Variants in PRKD3 observed in about 807,000 individuals in gnomAD.
The protein encoded by PRKD3 is serine/threonine-protein kinase D3.
In PRKD3, 47 loss-of-function variants were observed where a neutral mutation model predicts 99.2. That is an observed-to-expected ratio of 0.47 (90% CI 0.38 to 0.60). The LOEUF is 0.60. Among genes scored for constraint, PRKD3 ranks in the 20% least tolerant of loss-of-function variants. The pLI is 0.00. For missense variants in PRKD3, 1,019 were observed against 1,088.4 expected (o/e 0.94, Z 0.90); for synonymous variants, 392 against 355.4 (o/e 1.10, Z -1.16).
At chr2:37,254,786 A>T (rs576665496) in intron 17 of PRKD3, among the ~76,000 whole-genome samples, 33 of 152,228 alleles carry the variant, frequency 2.2e-4, no homozygotes, top group Non-Finnish European at 3.5e-4. Context: ...TGGTCTGGAA[A>T]GGCACTGCCT....
chr2:37,266,540 G>T (rs1029156514), intron 14 of PRKD3, among the ~76,000 whole-genome samples: 9 of 151,386 alleles, frequency 5.9e-5, no homozygotes, highest in Middle Eastern at 6.8e-3. Flanking sequence ...AGGCTGGAGT[G>T]CAATGGCACA....
At chr2:37,262,710 G>A (rs1366210490) in intron 14 of PRKD3, among the ~76,000 whole-genome samples, 2 of 151,988 alleles carry the variant, frequency 1.3e-5, no homozygotes. Context: ...AAAACACGTG[G>A]ACACACAAAA....
rs559390052 is a variant in PRKD3, at chr2:37,263,511, G to T, written c.1885-3127C>A. On this transcript the variant is annotated intron_variant, in intron 14 of 18. Transcript: ENST00000234179. ...ACTCCATTTCTCATGGACTACTGAT[G>T]TGTTTGTCTGTTTCTCCTTGTTTTT... Among the ~76,000 whole-genome samples, 5 of 152,226 alleles carry T rather than the reference G, an allele frequency of 3.3e-5. No individual in the cohort carries two copies. The East Asian group carries it at 9.6e-4, about 29-fold the overall frequency.
intron 17 of PRKD3, among the ~76,000 whole-genome samples, chr2:37,254,670 C>T (rs2148473558): frequency 6.6e-6 from 1 of 152,250 alleles, no homozygotes; most frequent in Non-Finnish European, 1.5e-5. Context: ...CAGTGCTTAG[C>T]ACATAAGTGC....
chr2:37,277,579 T>G (rs758806222), intron 9 of PRKD3, among the ~76,000 whole-genome samples: 1 of 152,214 alleles, frequency 6.6e-6, no homozygotes, highest in Non-Finnish European at 1.5e-5. Context: ...CTATCTCTAT[T>G]TGTGGCTCCA....
intron 13 of PRKD3, chr2:37,269,370 G>C (rs747287526): frequency 6.2e-6 from 3 of 482,496 alleles, no homozygotes; most frequent in Non-Finnish European, 1.1e-5. Context: ...GTATGTGTGA[G>C]CTACAAGAAG....
intron 2 of PRKD3, among the ~76,000 whole-genome samples, chr2:37,307,338 T>C (rs1257369792): frequency 1.3e-5 from 2 of 152,218 alleles, no homozygotes; most frequent in African/African-American, 4.8e-5. Flanking sequence ...TTTCAGAGCA[T>C]TCTAGAAGAA....
At position 37,253,058 on chromosome 2, in the gene PRKD3, G is replaced by A. The variant is rs943468593; in HGVS notation, c.*119C>T. The stretch of plus-strand genomic sequence containing the variant: ...ACTACAGTACTGGTGTCACTTATTC[G>A]TTATCATATTTCTTCATATCTTTGC... On this transcript the variant is annotated 3_prime_UTR_variant, in exon 19 of 19. Transcript: ENST00000234179. The A allele has an allele frequency of 1.9e-5, 20 of 1,069,228 alleles. 1 individual carries two copies. The highest frequency in any genetic ancestry group is 6.4e-5 in the African/African-American group (4 of 62,604). 66.2% of individuals were successfully genotyped at this position (1,069,228 alleles called of 1,614,324 possible).
rs572312460 is a variant in PRKD3, at chr2:37,317,010, C to A, written c.-486G>T. 5.1e-6 allele frequency: 5 copies of A among 986,820 alleles called. No individual in the cohort carries two copies. In the Admixed American group the frequency reaches 3.0e-4, roughly 60 times the overall value. The allele number at this position is 986,820 out of a possible 1,614,324, so 61.1% of individuals were successfully genotyped here. A position where few individuals can be genotyped will look rare whatever the true frequency, so the allele number is the denominator to read the frequency against. On this transcript the variant is annotated 5_prime_UTR_variant, in exon 2 of 19. In the 5' UTR this introduces an upstream ATG that the reference lacks. Transcript: ENST00000234179. ...TTGGTTTACTAATTTGATAGGACACCTTCTCAAATGTCCACACCTTAAATC... is the reference window on the plus strand; with the variant it reads ...TTGGTTTACTAATTTGATAGGACACATTCTCAAATGTCCACACCTTAAATC...
At chr2:37,301,109 TTA>T (rs749316187) in intron 2 of PRKD3, among the ~76,000 whole-genome samples, 1 of 152,242 alleles carries the variant, frequency 6.6e-6, no homozygotes, top group Non-Finnish European at 1.5e-5. Context: ...ATATTTTTGC[TTA>T]TTTTTAATGG....
intron 11 of PRKD3, among the ~76,000 whole-genome samples, chr2:37,273,908 TTAAA>T (rs1174071968): frequency 6.6e-6 from 1 of 152,254 alleles, no homozygotes; most frequent in East Asian, 1.9e-4. Flanking sequence ...TCAGTGATTT[TTAAA>T]TATTTCTGTA....
intron 12 of PRKD3, among the ~76,000 whole-genome samples, chr2:37,271,869 T>C (rs2148532547): frequency 6.6e-6 from 1 of 152,326 alleles, no homozygotes; most frequent in South Asian, 2.1e-4. Flanking sequence ...ACGGAAAAAG[T>C]TGCTGACCTG....
At chr2:37,288,334 C>T (rs527365025) in intron 5 of PRKD3, among the ~76,000 whole-genome samples, 1 of 152,278 alleles carries the variant, frequency 6.6e-6, no homozygotes, top group Admixed American at 6.5e-5. Flanking sequence ...TATGCCGCAG[C>T]ACTCTTTTTA....
chr2:37,268,496 C>T (rs1433049988), intron 13 of PRKD3: 13 of 362,388 alleles, frequency 3.6e-5, no homozygotes, highest in Middle Eastern at 6.3e-4. Flanking sequence ...TCACAGCCAA[C>T]GCTCCAATAA....
At chr2:37,272,923 C>T (rs534777137) in intron 11 of PRKD3, among the ~76,000 whole-genome samples, 2 of 141,174 alleles carry the variant, frequency 1.4e-5, no homozygotes, top group East Asian at 2.1e-4. Flanking sequence ...GAGGTTGCAG[C>T]AAGTTATGAT....
chr2:37,267,476 G>C lies in PRKD3; in HGVS notation c.1838C>G (p.Pro613Arg). The C allele has an allele frequency of 1.9e-6, 3 of 1,610,442 alleles. No homozygotes were observed. The highest frequency in any genetic ancestry group is 2.5e-6 in the Non-Finnish European group (3 of 1,178,038). Residue 613 changes from proline to arginine, a missense_variant, in exon 14 of 19, where the codon CCC (proline) becomes CGC (arginine). Pro to Arg is a moderately radical substitution (Grantham distance 103). This residue lies in a region of PRKD3 where 184 missense variants were observed against 275.1 expected (regional missense o/e 0.67). Coordinates refer to ENST00000234179, the MANE Select transcript of PRKD3 (RefSeq NM_005813.6). ...ACGGAGTTGACTTTCTTGTTTTGTG[G>C]GGAATCTCATCTTATCAATTACTTT... ...AIKVIDKMRF[P>R]TKQESQLRNE...
chr2:37,316,464 C>T lies in PRKD3; in HGVS notation c.61G>A (p.Ala21Thr). The T allele has an allele frequency of 6.2e-7, 1 of 1,614,232 alleles. No individual in the cohort carries two copies. Among genetic ancestry groups the T allele is most frequent in the Non-Finnish European group, 8.5e-7 (1 of 1,180,054 alleles). The change falls in exon 2 of 19, where the codon GCT becomes ACT. Residue 21 changes from alanine to threonine, a missense_variant. Coordinates refer to ENST00000234179, the MANE Select transcript of PRKD3 (RefSeq NM_005813.6). The stretch of plus-strand genomic sequence containing the variant: ...CACGGAGAAGCAGCTGGAAGCACAG[C>T]AGGAATAGCTGTGGGTAATACAGAC... Reference protein sequence around the residue: ...QKSVLPTAIPAVLPAASPCSS... With the variant: ...QKSVLPTAIPTVLPAASPCSS...
chr2:37,268,358 T>C (rs905187447), intron 13 of PRKD3: 5 of 470,836 alleles, frequency 1.1e-5, no homozygotes, highest in African/African-American at 1.0e-4. Flanking sequence ...GTAACTACTC[T>C]TAAAACTGAC....
At chr2:37,317,312 A>C (rs1218481737) in intron 1 of PRKD3, 133 bp from the exon 2 acceptor site, 1 of 270,376 alleles carries the variant, frequency 3.7e-6, no homozygotes, top group African/African-American at 2.3e-5. Context: ...CCTAATGGGT[A>C]GCAATTTTTG....
Sources: gnomAD v4.1 joint callset for allele counts (sites outside exome capture counted in the v4.1 genomes callset) on GRCh38, gnomAD v4.1.1 for gene constraint, gnomAD v4.1.1 regional missense constraint, MANE v1.5 for transcripts, NCBI Gene and HGNC (gene_info 2026-07-23, HGNC 2026-07-21) for gene names.